The following PRKD3 variants were observed in gnomAD, a reference collection of about 807,000 sequenced individuals.
PRKD3 encodes serine/threonine-protein kinase D3.
PRKD3 carries 47 observed loss-of-function variants against 99.2 expected under a neutral mutation model. The ratio of observed to expected loss-of-function variants is 0.47; its 90% CI spans 0.38 to 0.60. The LOEUF is 0.60. PRKD3 is among the 20% of genes least tolerant of loss of function. The pLI, the probability that PRKD3 is intolerant of heterozygous loss-of-function variation, is 0.00. For synonymous variants in PRKD3, 392 were observed against 355.4 expected, an observed-to-expected ratio of 1.10 and a Z score of -1.16; for missense variants, 1,019 against 1,088.4, an observed-to-expected ratio of 0.94 and a Z score of 0.90.
intron 2 of PRKD3, among the ~76,000 whole-genome samples, chr2:37,298,785 T>A (rs186333851): frequency 2.6e-4 from 39 of 152,356 alleles, no homozygotes; most frequent in Admixed American, 2.4e-3. Context: ...GTATCCTACA[T>A]CTTTACTTAA....
In PRKD3 at chr2:37,312,186, C is replaced by A. The variant is rs1320922034; in HGVS notation, c.288+4051G>T. On this transcript the variant is annotated intron_variant, in intron 2 of 18. Transcript: ENST00000234179. Reference sequence around the variant, plus strand: ...ATCTTGTGGGCTGTTCAAAAGCAGACTGGTTAAGATTTTGTTGGGAAAAAA... The same window carrying A: ...ATCTTGTGGGCTGTTCAAAAGCAGAATGGTTAAGATTTTGTTGGGAAAAAA... Among the ~76,000 whole-genome samples the A allele has an allele frequency of 2.0e-5, 3 of 151,992 alleles. No homozygotes were observed. In the East Asian group the frequency reaches 5.8e-4, roughly 29 times the overall value.
chr2:37,304,855 C>T (rs574338487), intron 2 of PRKD3, among the ~76,000 whole-genome samples: 137 of 149,462 alleles, frequency 9.2e-4, no homozygotes, highest in Non-Finnish European at 1.6e-3. Flanking sequence ...CTCATTTTTT[C>T]TTGTTTTGTT....
Position 37,316,597 on chromosome 2 carries a change from A to G in PRKD3, c.-73T>C. 16 of 1,528,814 alleles carry G rather than the reference A, an allele frequency of 1.0e-5. No homozygotes were observed. Among genetic ancestry groups the G allele is most frequent in the Non-Finnish European group, 1.3e-5 (15 of 1,143,098 alleles). The allele number at this position is 1,528,814 out of a possible 1,614,324, so 94.7% of individuals were successfully genotyped here. On this transcript the variant is annotated 5_prime_UTR_variant, in exon 2 of 19. Coordinates refer to ENST00000234179, the MANE Select transcript of PRKD3 (RefSeq NM_005813.6). ...GTTATGAAGAGGTTTTTAAAATAAC[A>G]GCAGTAAAGAAAATGACCGCACTTT...
intron 9 of PRKD3, 118 bp downstream of exon 9, chr2:37,277,748 G>T (rs769947823): frequency 4.0e-5 from 41 of 1,015,532 alleles, no homozygotes; most frequent in Admixed American, 1.1e-4. Context: ...TTTACAAATT[G>T]CTGTGGTGTA....
intron 13 of PRKD3, 172 bp downstream of exon 13, chr2:37,269,442 AG>A: frequency 1.7e-6 from 1 of 604,448 alleles, no homozygotes; most frequent in East Asian, 2.8e-5. Context: ...AATGACATTA[AG>A]GGAAGAATAC....
At chr2:37,310,242 T>G (rs1159866208) in intron 2 of PRKD3, among the ~76,000 whole-genome samples, 1 of 152,208 alleles carries the variant, frequency 6.6e-6, no homozygotes, top group Non-Finnish European at 1.5e-5. Flanking sequence ...GTGTAATAGC[T>G]CAAGTTTTCT....
chr2:37,293,171 T>G lies in PRKD3; in HGVS notation c.389A>C (p.Glu130Ala). 1 of 1,601,462 alleles carries G rather than the reference T, an allele frequency of 6.2e-7. No homozygotes were observed. Among genetic ancestry groups the G allele is most frequent in the Non-Finnish European group, 8.5e-7 (1 of 1,169,822 alleles). The change falls in exon 3 of 19, where the codon GAA becomes GCA. Residue 130 changes from glutamate to alanine, a missense_variant. Glu to Ala is a moderately radical substitution (Grantham distance 107). Transcript: ENST00000234179. ...TTCCACTAGGTCTCCTTCATGTATT[T>G]CATCTGCTGAGGTAATCAGCTGCAA... is the stretch of plus-strand genomic sequence containing the variant. ...NILQLITSAD[E>A]IHEGDLVEVV... is the part of the protein sequence containing the mutation.
intron 2 of PRKD3, among the ~76,000 whole-genome samples, chr2:37,299,599 C>T (rs957207725): frequency 6.6e-6 from 1 of 150,788 alleles, no homozygotes; most frequent in African/African-American, 2.4e-5. Flanking sequence ...GAAGTGACAA[C>T]CTACAGAATG....
Position 37,272,417 on chromosome 2 carries a change from C to T in PRKD3, c.1667G>A (p.Ser556Asn). 3 of 1,606,006 alleles carry T rather than the reference C, an allele frequency of 1.9e-6. No homozygotes were observed. The highest frequency in any genetic ancestry group is 2.5e-6 in the Non-Finnish European group (3 of 1,177,646). Residue 556 changes from serine (S) to asparagine (N), a missense_variant, in exon 12 of 19, where the codon AGT (serine) becomes AAT (asparagine). Physicochemically the swap from Ser to Asn is conservative, Grantham distance 46. Coordinates refer to ENST00000234179, the MANE Select transcript of PRKD3 (RefSeq NM_005813.6). ...QGKDHKDLST[S>N]ISVSNCQIQE... is the part of the protein sequence containing the mutation. Reference sequence around the variant, plus strand: ...AATCTGACAATTAGATACAGAGATACTTGTAGACAAATCTTCTGTAAAATA... The same window carrying T: ...AATCTGACAATTAGATACAGAGATATTTGTAGACAAATCTTCTGTAAAATA...
intron 10 of PRKD3, among the ~76,000 whole-genome samples, chr2:37,275,247 C>T (rs1263379958): frequency 2.0e-5 from 3 of 152,064 alleles, no homozygotes; most frequent in Non-Finnish European, 4.4e-5. Flanking sequence ...CAAAGCAAGC[C>T]ATTAGTTCCC....
chr2:37,270,856 G>GTA (rs1558539605), intron 12 of PRKD3, among the ~76,000 whole-genome samples: 1 of 152,134 alleles, frequency 6.6e-6, no homozygotes. Context: ...GTATGTATGT[G>GTA]TATATATATT....
intron 12 of PRKD3, among the ~76,000 whole-genome samples, chr2:37,270,909 T>C (rs1168707878): frequency 6.6e-6 from 1 of 152,230 alleles, no homozygotes; most frequent in Non-Finnish European, 1.5e-5. Context: ...CCCCATGACA[T>C]GGATGGAGAT....
chr2:37,282,830 C>T (rs1251632227), intron 6 of PRKD3, among the ~76,000 whole-genome samples: 5 of 152,080 alleles, frequency 3.3e-5, no homozygotes, highest in Admixed American at 6.6e-5. Context: ...TGTACAACAC[C>T]GCCGAAATGT....
In PRKD3 at chr2:37,277,841, T is replaced by C. The variant is rs769345557; in HGVS notation, c.1296+25A>G. On this transcript the variant is annotated intron_variant, in intron 9 of 18. Coordinates refer to ENST00000234179, the MANE Select transcript of PRKD3 (RefSeq NM_005813.6). ...AACTCATAACAAAGTCTTACTAGCA[T>C]ATTCAAATGTATTTGATTACTGACC... 2.5e-6 allele frequency: 4 copies of C among 1,604,692 alleles called. No homozygotes were observed. In the South Asian group the frequency reaches 3.4e-5, roughly 14 times the overall value.
At chr2:37,262,958 T>A (rs1385166284) in intron 14 of PRKD3, among the ~76,000 whole-genome samples, 1 of 151,152 alleles carries the variant, frequency 6.6e-6, no homozygotes, top group Non-Finnish European at 1.5e-5. Flanking sequence ...TTGCTTAGGA[T>A]GGCCATTTTA....
intron 13 of PRKD3, chr2:37,268,477 C>G: frequency 2.6e-6 from 1 of 383,022 alleles, no homozygotes; most frequent in Non-Finnish European, 5.2e-6. Context: ...CAAAGAAGAT[C>G]CAGACATCTC....
chr2:37,265,190 T>C (rs747271588), intron 14 of PRKD3, among the ~76,000 whole-genome samples: 4 of 151,810 alleles, frequency 2.6e-5, no homozygotes, highest in Non-Finnish European at 5.9e-5. Flanking sequence ...GGGGCAAAGA[T>C]GGAAAAGGAA....
At chr2:37,309,146 G>C (rs1247079633) in intron 2 of PRKD3, among the ~76,000 whole-genome samples, 1 of 152,010 alleles carries the variant, frequency 6.6e-6, no homozygotes, top group Non-Finnish European at 1.5e-5. Context: ...ATTTTACAAG[G>C]TCTTTAAAAA....
chr2:37,255,068 A>G (rs927145272), intron 17 of PRKD3, among the ~76,000 whole-genome samples: 1 of 152,190 alleles, frequency 6.6e-6, no homozygotes, highest in South Asian at 2.1e-4. Context: ...TCCTAGTTCT[A>G]TTTCTTGTCT....
Sources: gnomAD v4.1 joint callset for allele counts (sites outside exome capture counted in the v4.1 genomes callset) on GRCh38, gnomAD v4.1.1 for gene constraint, MANE v1.5 for transcripts, NCBI Gene and HGNC (gene_info 2026-07-23, HGNC 2026-07-21) for gene names.